GRIP1: variants seen among roughly 807,000 people sequenced by gnomAD.
GRIP1 encodes glutamate receptor-interacting protein 1.
Under a neutral mutation model 129.9 loss-of-function variants are expected in GRIP1, and 45 were observed. That is an observed-to-expected ratio of 0.35 (90% CI 0.27 to 0.44). The LOEUF (loss-of-function observed/expected upper bound fraction) is 0.44, where lower values mean the gene tolerates loss of function less well. Ranked by LOEUF, GRIP1 falls within the 20% of genes least tolerant of loss-of-function variation. GRIP1 has a pLI of 1.00. For missense variants in GRIP1, 1,196 were observed against 1,396.8 expected (o/e 0.86, Z 2.29); for synonymous variants, 530 against 520.8 (o/e 1.02, Z -0.24).
intron 16 of GRIP1, among the ~76,000 whole-genome samples, chr12:66,395,675 G>C (rs563908294): frequency 6.6e-6 from 1 of 152,268 alleles, no homozygotes; most frequent in South Asian, 2.1e-4. Context: ...TCTACTCAAC[G>C]TATTTACTCC....
chr12:66,934,368 C>T (rs1444532430), intron 1 of GRIP1, among the ~76,000 whole-genome samples: 1 of 152,200 alleles, frequency 6.6e-6, no homozygotes, highest in Non-Finnish European at 1.5e-5. Context: ...GACCCAGTAT[C>T]TCTACTCCCT....
intron 14 of GRIP1, among the ~76,000 whole-genome samples, chr12:66,425,526 A>ATTGTCTTTT (rs1209397688): frequency 2.0e-5 from 3 of 152,230 alleles, no homozygotes; most frequent in African/African-American, 7.2e-5. Context: ...ATGCACACGT[A>ATTGTCTTTT]TGTTTATTGG....
intron 1 of GRIP1, among the ~76,000 whole-genome samples, chr12:66,911,042 A>T (rs1382705163): frequency 6.6e-6 from 1 of 152,228 alleles, no homozygotes; most frequent in Non-Finnish European, 1.5e-5. Flanking sequence ...GTGCTAATGG[A>T]TGGGGATACA....
intron 1 of GRIP1, among the ~76,000 whole-genome samples, chr12:66,851,144 G>T (rs1262038971): frequency 2.0e-5 from 3 of 151,620 alleles, no homozygotes; most frequent in Non-Finnish European, 2.9e-5. Flanking sequence ...AGGATAAGCT[G>T]AAAGGCAAGA....
chr12:66,863,887 T>A (rs2040155579), intron 1 of GRIP1, among the ~76,000 whole-genome samples: 1 of 152,090 alleles, frequency 6.6e-6, no homozygotes. Context: ...GGAGCAGAGA[T>A]CCAAGGACCA....
intron 1 of GRIP1, among the ~76,000 whole-genome samples, chr12:66,953,965 A>T (rs1036618899): frequency 2.0e-5 from 3 of 151,924 alleles, no homozygotes; most frequent in Non-Finnish European, 4.4e-5. Flanking sequence ...CCGACCCCCC[A>T]AAACTGTTAA....
In GRIP1 at chr12:66,919,421, G is replaced by GTGGATTCA. The variant is rs1475100634; in HGVS notation, c.58+149621_58+149628dup. The stretch of plus-strand genomic sequence containing the variant: ...GGGGATCTTTCATGTAAAGAGCAAG[G>GTGGATTCA]TGGATTCATTAATAATCAAAACATC... On this transcript the variant is annotated intron_variant, in intron 1 of 1. Coordinates refer to the GRIP1 transcript ENST00000643019. Among the ~76,000 whole-genome samples, 4 of 152,268 alleles carry GTGGATTCA rather than the reference G, an allele frequency of 2.6e-5. No homozygotes were observed. In the East Asian group the frequency reaches 7.7e-4, roughly 29 times the overall value.
chr12:66,888,569 G>T (rs2040604400), intron 1 of GRIP1, among the ~76,000 whole-genome samples: 1 of 152,058 alleles, frequency 6.6e-6, no homozygotes, highest in Non-Finnish European at 1.5e-5. Flanking sequence ...TGCCATGTTG[G>T]CCAGGCTGGT....
intron 1 of GRIP1, among the ~76,000 whole-genome samples, chr12:66,612,516 A>G (rs569592030): frequency 6.6e-6 from 1 of 152,210 alleles, no homozygotes; most frequent in Admixed American, 6.5e-5. Flanking sequence ...AAGTGCCTGT[A>G]GTCTCAGCTA....
intron 1 of GRIP1, among the ~76,000 whole-genome samples, chr12:66,670,746 C>T (rs1487308720): frequency 2.6e-5 from 4 of 152,156 alleles, no homozygotes; most frequent in Non-Finnish European, 4.4e-5. Flanking sequence ...GAGCTCAGAG[C>T]TCCCTTAAGG....
chr12:66,512,742 A>C (rs1476634801), intron 7 of GRIP1, among the ~76,000 whole-genome samples: 1 of 152,046 alleles, frequency 6.6e-6, no homozygotes, highest in African/African-American at 2.4e-5. Context: ...TTAAATTAAA[A>C]TATAATGCAA....
At chr12:66,378,908 T>C (rs2055955840) in intron 20 of GRIP1, among the ~76,000 whole-genome samples, 1 of 152,034 alleles carries the variant, frequency 6.6e-6, no homozygotes, top group African/African-American at 2.4e-5. Flanking sequence ...GATCTTGCCA[T>C]TGCATTCCAG....
chr12:66,792,055 T>C (rs1279647268), intron 1 of GRIP1, among the ~76,000 whole-genome samples: 1 of 152,130 alleles, frequency 6.6e-6, no homozygotes, highest in Admixed American at 6.6e-5. Context: ...TGAGATTTTA[T>C]GAAACTTTTG....
chr12:66,625,790 T>TA (rs1412893807), intron 1 of GRIP1, among the ~76,000 whole-genome samples: 1 of 152,262 alleles, frequency 6.6e-6, no homozygotes, highest in South Asian at 2.1e-4. Context: ...AGAAGTTTGA[T>TA]AAAAATATAA....
At chr12:66,440,452 C>T (rs2058440843) in intron 13 of GRIP1, among the ~76,000 whole-genome samples, 1 of 152,126 alleles carries the variant, frequency 6.6e-6, no homozygotes, top group East Asian at 1.9e-4. Context: ...ATCCCCACTC[C>T]CCACTATCAT....
intron 1 of GRIP1, among the ~76,000 whole-genome samples, chr12:66,922,296 G>A (rs2041226218): frequency 6.6e-6 from 1 of 152,200 alleles, no homozygotes; most frequent in South Asian, 2.1e-4. Flanking sequence ...TGGGGTGGGA[G>A]TGAGGAGGTA....
At chr12:66,936,626 G>A (rs879739891) in intron 1 of GRIP1, among the ~76,000 whole-genome samples, 9 of 152,072 alleles carry the variant, frequency 5.9e-5, no homozygotes, top group Non-Finnish European at 7.4e-5. Context: ...GGGAAACCCC[G>A]AATTTGTAGT....
chr12:66,570,258 C>T (rs2062914859), intron 2 of GRIP1, among the ~76,000 whole-genome samples: 1 of 152,102 alleles, frequency 6.6e-6, no homozygotes, highest in East Asian at 1.9e-4. Context: ...GCTGGGAATA[C>T]AGGTGCATGC....
chr12:66,840,556 G>T (rs1216765435), intron 1 of GRIP1, among the ~76,000 whole-genome samples: 1 of 152,156 alleles, frequency 6.6e-6, no homozygotes, highest in Non-Finnish European at 1.5e-5. Context: ...CTAGCTGATT[G>T]GTTGACATTT....
Sources: allele counts gnomAD v4.1 joint callset (sites outside exome capture counted in the v4.1 genomes callset), GRCh38; gene constraint gnomAD v4.1.1; transcripts MANE v1.5; gene names NCBI Gene and HGNC (gene_info 2026-07-23, HGNC 2026-07-21).